Variants in GRAMD1C observed in about 807,000 individuals in gnomAD.
GRAMD1C encodes protein Aster-C.
GRAMD1C carries 89 observed loss-of-function variants against 97.8 expected under a neutral mutation model. That is an observed-to-expected ratio of 0.91 (90% CI 0.77 to 1.09). GRAMD1C has a LOEUF of 1.09. Among genes scored for constraint, GRAMD1C ranks in the 50% least tolerant of loss-of-function variants. The pLI is 0.00. For synonymous variants in GRAMD1C, 256 were observed against 267.0 expected, an observed-to-expected ratio of 0.96 and a Z score of 0.40; for missense variants, 740 against 766.4, an observed-to-expected ratio of 0.97 and a Z score of 0.41.
chr3:113,932,967 T>C (rs1419539327), intron 11 of GRAMD1C, among the ~76,000 whole-genome samples: 1 of 151,622 alleles, frequency 6.6e-6, no homozygotes, highest in Non-Finnish European at 1.5e-5. Flanking sequence ...CTGCAACCTC[T>C]GCCTCCTGGG....
intron 8 of GRAMD1C, among the ~76,000 whole-genome samples, chr3:113,905,798 C>A (rs1936350464): frequency 6.6e-6 from 1 of 151,972 alleles, no homozygotes; most frequent in Non-Finnish European, 1.5e-5. Flanking sequence ...TGGGTTCAAG[C>A]AATTCTTCTG....
intron 6 of GRAMD1C, among the ~76,000 whole-genome samples, chr3:113,896,662 T>G (rs9810799): frequency 0.24 from 36,015 of 152,150 alleles, 4,320 homozygotes; most frequent in African/African-American, 0.29. Flanking sequence ...GCCCCCACAG[T>G]GGGCTTTCTT....
At chr3:113,901,386 GT>G (rs1360700869) in intron 7 of GRAMD1C, among the ~76,000 whole-genome samples, 1 of 152,166 alleles carries the variant, frequency 6.6e-6, no homozygotes, top group Non-Finnish European at 1.5e-5. Context: ...TTAAAGTCTG[GT>G]TTTAGTAAGC....
At chr3:113,929,064 T>G (rs955720897) in intron 10 of GRAMD1C, among the ~76,000 whole-genome samples, 1 of 152,252 alleles carries the variant, frequency 6.6e-6, no homozygotes, top group Non-Finnish European at 1.5e-5. Context: ...CCATACTGGC[T>G]GTATCATTTT....
chr3:113,854,531 G>A (rs1026399949), intron 2 of GRAMD1C, among the ~76,000 whole-genome samples: 4 of 152,120 alleles, frequency 2.6e-5, no homozygotes, highest in Non-Finnish European at 4.4e-5. Flanking sequence ...CTGAGAGTTG[G>A]GCATTGGATT....
chr3:113,925,044 A>G (rs950281614), intron 10 of GRAMD1C, among the ~76,000 whole-genome samples: 1 of 152,164 alleles, frequency 6.6e-6, no homozygotes, highest in Non-Finnish European at 1.5e-5. Flanking sequence ...GTCTTTTTAA[A>G]TCATTGTTGG....
At chr3:113,916,821 C>T (rs1014756409) in intron 10 of GRAMD1C, among the ~76,000 whole-genome samples, 1 of 152,080 alleles carries the variant, frequency 6.6e-6, no homozygotes, top group African/African-American at 2.4e-5. Context: ...GTTAAATCCT[C>T]ATAAGAAGAA....
intron 1 of GRAMD1C, among the ~76,000 whole-genome samples, chr3:113,842,689 G>T (rs1355748172): frequency 6.6e-6 from 1 of 152,082 alleles, no homozygotes; most frequent in Non-Finnish European, 1.5e-5. Flanking sequence ...TTGGCCAGGT[G>T]CAGTGGCTCA....
At chr3:113,881,983 C>T (rs1935284385) in intron 5 of GRAMD1C, among the ~76,000 whole-genome samples, 1 of 152,060 alleles carries the variant, frequency 6.6e-6, no homozygotes, top group African/African-American at 2.4e-5. Flanking sequence ...ATAACTTAAT[C>T]CAGCATAGAA....
chr3:113,882,758 T>A lies in GRAMD1C; in HGVS notation c.466T>A (p.Phe156Ile), dbSNP rs201025449. ...QIVTESEKFF[F>I]TSFGARDRSY... is the part of the protein sequence containing the mutation. ...CTATTATTTTTCTTTGCAGTTTTTC[T>A]TCACATCTTTTGGTGCCAGGGATAG... The change falls in exon 6 of 18, where the codon TTC becomes ATC. Residue 156 changes from phenylalanine to isoleucine, a missense_variant. Phe to Ile is a conservative substitution (Grantham distance 21, BLOSUM62 0). Transcript: ENST00000358160. 6.4e-7 allele frequency: 1 copy of A among 1,572,286 alleles called. No individual in the cohort carries two copies. Among genetic ancestry groups the A allele is most frequent in the African/African-American group, 1.3e-5 (1 of 74,332 alleles).
chr3:113,849,886 T>C (rs1260394166), intron 2 of GRAMD1C, among the ~76,000 whole-genome samples: 2 of 151,100 alleles, frequency 1.3e-5, no homozygotes, highest in Admixed American at 1.3e-4. Context: ...GAGGCGCCCC[T>C]CACCTCCCGG....
At chr3:113,931,362 ATT>A (rs11294764) in intron 11 of GRAMD1C, among the ~76,000 whole-genome samples, 108 of 143,020 alleles carry the variant, frequency 7.6e-4, no homozygotes, top group African/African-American at 2.0e-3. Flanking sequence ...ATATATTCAA[ATT>A]TTTTTTTTTT....
intron 17 of GRAMD1C, among the ~76,000 whole-genome samples, chr3:113,941,124 A>G (rs994411946): frequency 1.8e-4 from 28 of 152,212 alleles, no homozygotes; most frequent in Admixed American, 1.8e-3. Flanking sequence ...CACATCCAAC[A>G]GTAGCTTCCT....
In GRAMD1C at chr3:113,880,102, A is replaced by G. The variant is rs188179733; in HGVS notation, c.460-2650A>G. ...ATGCCTACTTTTCTCTTTTCCACCA[A>G]TAGCTTTAGGGCTGAACTGTTCAGG... On this transcript the variant is annotated intron_variant, in intron 5 of 17. Coordinates refer to ENST00000358160, the MANE Select transcript of GRAMD1C (RefSeq NM_017577.5). 2.8e-4 allele frequency among the ~76,000 whole-genome samples: 42 copies of G among 152,166 alleles called. No homozygotes were observed. The East Asian group carries it at 7.5e-3, about 27-fold the overall frequency.
chr3:113,833,852 T>C (rs1438545249), upstream of GRAMD1C, among the ~76,000 whole-genome samples: 1 of 152,224 alleles, frequency 6.6e-6, no homozygotes, highest in Non-Finnish European at 1.5e-5. Flanking sequence ...GTTGCTTTTG[T>C]GGAAGTACAG....
chr3:113,937,743 G>A (rs950051992), intron 14 of GRAMD1C, among the ~76,000 whole-genome samples: 8 of 152,146 alleles, frequency 5.3e-5, no homozygotes, highest in Admixed American at 1.3e-4. Context: ...GGTGGCTCAC[G>A]CCTGTAATCC....
In GRAMD1C at chr3:113,853,925, G is replaced by A. The variant is rs186537233; in HGVS notation, c.174+9276G>A. Among the ~76,000 whole-genome samples, 35 of 152,278 alleles carry A rather than the reference G, an allele frequency of 2.3e-4. No individual in the cohort carries two copies. In the East Asian group the frequency reaches 2.7e-3, roughly 12 times the overall value. On this transcript the variant is annotated intron_variant, in intron 2 of 17. Coordinates refer to ENST00000358160, the MANE Select transcript of GRAMD1C (RefSeq NM_017577.5). ...TGAATCCTGGAAGGGAAGGGAAAGC[G>A]CAGGGTGTTCTATGGAAAGGCTCTG...
intron 10 of GRAMD1C, among the ~76,000 whole-genome samples, chr3:113,916,962 C>T (rs1936835994): frequency 6.6e-6 from 1 of 151,714 alleles, no homozygotes; most frequent in Non-Finnish European, 1.5e-5. Flanking sequence ...CAGCCTGGAC[C>T]CATCTCTACC....
At chr3:113,884,146 A>AAT (rs756158271) in intron 6 of GRAMD1C, among the ~76,000 whole-genome samples, 44 of 152,200 alleles carry the variant, frequency 2.9e-4, no homozygotes, top group Middle Eastern at 6.8e-3. Flanking sequence ...ACAGTAGCAG[A>AAT]ATATATATAT....
Sources: gnomAD v4.1 joint callset for allele counts (sites outside exome capture counted in the v4.1 genomes callset) on GRCh38, gnomAD v4.1.1 for gene constraint, MANE v1.5 for transcripts, NCBI Gene and HGNC (gene_info 2026-07-23, HGNC 2026-07-21) for gene names.